The following SLIT2 variants were observed in gnomAD, a reference collection of about 807,000 sequenced individuals.
The protein encoded by SLIT2 is slit guidance ligand 2, also known as slit homolog 2 protein.
A neutral mutation model predicts 185.7 loss-of-function variants in SLIT2; 41 were observed. The ratio of observed to expected loss-of-function variants is 0.22; its 90% CI spans 0.17 to 0.29. SLIT2 has a LOEUF of 0.29. SLIT2 is among the 10% of genes least tolerant of loss of function. The probability of loss-of-function intolerance (pLI) is 1.00; values close to 1 mark genes in which losing one functional copy is unlikely to be tolerated. For synonymous variants in SLIT2, 693 were observed against 680.2 expected, an observed-to-expected ratio of 1.02 and a Z score of -0.29; for missense variants, 1,571 against 1,909.0, an observed-to-expected ratio of 0.82 and a Z score of 3.30.
chr4:20,298,614 C>T (rs1290097733), intron 4 of SLIT2, among the ~76,000 whole-genome samples: 1 of 152,126 alleles, frequency 6.6e-6, no homozygotes, highest in African/African-American at 2.4e-5. Flanking sequence ...ATTTTGGCCC[C>T]TTTATTGCTC....
intron 4 of SLIT2, among the ~76,000 whole-genome samples, chr4:20,314,838 A>G (rs1390410712): frequency 6.6e-6 from 1 of 152,122 alleles, no homozygotes; most frequent in Non-Finnish European, 1.5e-5. Context: ...AATTAGGGAA[A>G]TAATAAAAGC....
At chr4:20,299,061 T>C (rs1716789183) in intron 4 of SLIT2, among the ~76,000 whole-genome samples, 1 of 152,220 alleles carries the variant, frequency 6.6e-6, no homozygotes, top group African/African-American at 2.4e-5. Flanking sequence ...TTTGACAATG[T>C]AATTTGACAT....
At chr4:20,531,867 T>G (rs1382063722) in intron 16 of SLIT2, 117 bp from the exon 17 acceptor site, 2 of 605,804 alleles carry the variant, frequency 3.3e-6, no homozygotes, top group African/African-American at 3.9e-5. Context: ...GATTTATGTA[T>G]TTCCTTTTAT....
In SLIT2 at chr4:20,484,398, G is replaced by A. The variant is rs1383396723; in HGVS notation, c.540-1802G>A. On this transcript the variant is annotated intron_variant, in intron 6 of 36. Transcript: ENST00000504154. The surrounding 1 kb of genome is among the most constrained non-coding windows in gnomAD (Gnocchi z 4.3). Reference sequence around the variant, plus strand: ...ATAGGAAAATGCTAAAAGCTCTTAGGTAAACTGAGCCAACAAATCCAGTGC... The same window carrying A: ...ATAGGAAAATGCTAAAAGCTCTTAGATAAACTGAGCCAACAAATCCAGTGC... Among the ~76,000 whole-genome samples the A allele has an allele frequency of 6.6e-6, 1 of 152,084 alleles. No individual in the cohort carries two copies. Among genetic ancestry groups the A allele is most frequent in the East Asian group, 1.9e-4 (1 of 5,192 alleles).
chr4:20,397,751 TAGAAC>T (rs1726021751), intron 4 of SLIT2, among the ~76,000 whole-genome samples: 1 of 151,776 alleles, frequency 6.6e-6, no homozygotes, highest in Non-Finnish European at 1.5e-5. Flanking sequence ...TACAGAAAAA[TAGAAC>T]AGTAAGTGCA....
intron 12 of SLIT2, among the ~76,000 whole-genome samples, chr4:20,523,371 G>A (rs1721005780): frequency 6.6e-6 from 1 of 152,200 alleles, no homozygotes. Context: ...ACTGTTTTGA[G>A]AATAGCCTGA....
intron 4 of SLIT2, among the ~76,000 whole-genome samples, chr4:20,407,368 G>A (rs768539719): frequency 1.3e-5 from 2 of 152,022 alleles, no homozygotes; most frequent in African/African-American, 2.4e-5. Context: ...CAGAAACACC[G>A]GTCAATATAA....
intron 4 of SLIT2, among the ~76,000 whole-genome samples, chr4:20,374,462 A>G (rs1186917254): frequency 6.6e-6 from 1 of 151,976 alleles, no homozygotes; most frequent in Non-Finnish European, 1.5e-5. Flanking sequence ...GTTCTTTGGC[A>G]TTTAAATGGC....
intron 9 of SLIT2, among the ~76,000 whole-genome samples, chr4:20,501,683 T>G (rs1259889959): frequency 6.6e-6 from 1 of 152,184 alleles, no homozygotes; most frequent in Non-Finnish European, 1.5e-5. Context: ...AAGAATTATG[T>G]AAAATACATT....
At chr4:20,538,608 C>T (rs186028916) in intron 18 of SLIT2, among the ~76,000 whole-genome samples, 9 of 152,036 alleles carry the variant, frequency 5.9e-5, no homozygotes, top group Admixed American at 2.6e-4. Flanking sequence ...ATTCTGAATA[C>T]GATTTATGGC....
At chr4:20,311,273 A>G (rs1419568143) in intron 4 of SLIT2, among the ~76,000 whole-genome samples, 1 of 152,230 alleles carries the variant, frequency 6.6e-6, no homozygotes, top group African/African-American at 2.4e-5. Context: ...AAACAGTTTT[A>G]AACTTTGTAT....
chr4:20,251,937 C>T lies in SLIT2; in HGVS notation c.-1879C>T, dbSNP rs1466741689. Among the ~76,000 whole-genome samples the T allele has an allele frequency of 2.0e-5, 3 of 152,102 alleles. No homozygotes were observed. Among genetic ancestry groups the T allele is most frequent in the African/African-American group, 7.2e-5 (3 of 41,422 alleles). ...GTTATTTATTTGGGAAGCGCCCGGA[C>T]GGCGGAGCTTGGCGGCGGCGGTGGT... On this transcript the variant is annotated 5_prime_UTR_variant, in exon 1 of 37. The change creates a new upstream start codon in the 5' untranslated region. Coordinates refer to ENST00000504154, the MANE Select transcript of SLIT2 (RefSeq NM_004787.4).
intron 4 of SLIT2, among the ~76,000 whole-genome samples, chr4:20,329,620 T>C (rs1275147108): frequency 6.6e-6 from 1 of 152,026 alleles, no homozygotes. Flanking sequence ...ATATACCAGT[T>C]AAGCATATAT....
At chr4:20,616,678 C>G (rs1042264575) in intron 34 of SLIT2, 2 of 430,616 alleles carry the variant, frequency 4.6e-6, no homozygotes, top group Non-Finnish European at 8.4e-6. Context: ...CACCAATCAA[C>G]TAGGTATTTT....
chr4:20,365,297 C>T (rs1268185929), intron 4 of SLIT2, among the ~76,000 whole-genome samples: 1 of 152,116 alleles, frequency 6.6e-6, no homozygotes, highest in Non-Finnish European at 1.5e-5. Flanking sequence ...AAAAAGTCCA[C>T]AGGGAGGCGG....
rs557948603 is a variant in SLIT2 at position 20,535,430 on chromosome 4, G to T, written c.1832+1715G>T. Among the ~76,000 whole-genome samples the T allele has an allele frequency of 1.2e-4, 18 of 151,986 alleles. No individual in the cohort carries two copies. In the South Asian group the frequency reaches 2.3e-3, roughly 19 times the overall value. On this transcript the variant is annotated intron_variant, in intron 18 of 36. Transcript: ENST00000504154. ...ATACAAATATTATAACAAGCAGAAGGCTCCCTTTTCAAACAGCAGTTAAAA... is the reference window on the plus strand; with the variant it reads ...ATACAAATATTATAACAAGCAGAAGTCTCCCTTTTCAAACAGCAGTTAAAA...
At chr4:20,521,990 G>C (rs556151515) in intron 12 of SLIT2, among the ~76,000 whole-genome samples, 1 of 152,238 alleles carries the variant, frequency 6.6e-6, no homozygotes, top group South Asian at 2.1e-4. Flanking sequence ...AATATAGCTA[G>C]ATATAGCTTG....
chr4:20,266,628 T>C (rs1713060882), intron 3 of SLIT2, among the ~76,000 whole-genome samples: 5 of 151,974 alleles, frequency 3.3e-5, no homozygotes, highest in Non-Finnish European at 7.4e-5. Flanking sequence ...AGCAGGCTGC[T>C]CTCTTTGGCT....
intron 29 of SLIT2, among the ~76,000 whole-genome samples, chr4:20,577,979 G>A (rs1234778407): frequency 6.6e-6 from 1 of 152,134 alleles, no homozygotes; most frequent in Non-Finnish European, 1.5e-5. Flanking sequence ...TAAAAATACA[G>A]TAGGGAAATC....
Sources: gnomAD v4.1 joint callset for allele counts (sites outside exome capture counted in the v4.1 genomes callset) on GRCh38, gnomAD v4.1.1 for gene constraint, Gnocchi (gnomAD v3.1) non-coding constraint, MANE v1.5 for transcripts, NCBI Gene and HGNC (gene_info 2026-07-23, HGNC 2026-07-21) for gene names.